Variants in ATRX observed in about 807,000 individuals in gnomAD.
The protein encoded by ATRX is ATRX chromatin remodeler.
A neutral mutation model predicts 172.6 loss-of-function variants in ATRX; 12 were observed. The observed-to-expected ratio is 0.07, with a 90% CI of 0.04 to 0.11. ATRX has a LOEUF of 0.11. Among genes scored for constraint, ATRX ranks in the 10% least tolerant of loss-of-function variants. ATRX has a pLI of 1.00. For missense variants in ATRX, 1,368 were observed against 1,767.4 expected, an observed-to-expected ratio of 0.77 and a Z score of 4.05; for synonymous variants, 674 against 594.7, an observed-to-expected ratio of 1.13 and a Z score of -1.94.
intron 10 of ATRX, among the ~76,000 whole-genome samples, chrX:77,669,242 C>G (rs2070421564): frequency 9.0e-6 from 1 of 111,660 alleles, no homozygotes; most frequent in Admixed American, 9.5e-5. Context: ...TTTTACTGTG[C>G]CAGCACTATA....
chrX:77,630,270 T>A (rs1053043278), intron 19 of ATRX, among the ~76,000 whole-genome samples: 17 of 112,121 alleles, frequency 1.5e-4, no homozygotes, highest in African/African-American at 5.2e-4. Flanking sequence ...AGAAATTAGA[T>A]GTTCATGGAG....
chrX:77,521,039 G>T, intron 33 of ATRX, 123 bp from the exon 34 acceptor site: 1 of 749,776 alleles, frequency 1.3e-6, no homozygotes, highest in Non-Finnish European at 1.9e-6. Flanking sequence ...ATTCTTTTCT[G>T]AAGAAAAACA....
chrX:77,758,836 A>T (rs1272337573), intron 1 of ATRX, among the ~76,000 whole-genome samples: 1 of 111,950 alleles, frequency 8.9e-6, no homozygotes, highest in African/African-American at 3.2e-5. Flanking sequence ...TTCCATTAAG[A>T]TACTGTGAAT....
chrX:77,772,664 G>GTAGAGAC (rs1454788585), intron 1 of ATRX, among the ~76,000 whole-genome samples: 1 of 105,758 alleles, frequency 9.5e-6, no homozygotes, highest in African/African-American at 3.5e-5. Flanking sequence ...TGTATTTTTA[G>GTAGAGAC]TAGAGACAGG....
chrX:77,521,079 C>T, intron 33 of ATRX, 163 bp from the exon 34 acceptor site: 1 of 498,118 alleles, frequency 2.0e-6, no homozygotes, highest in South Asian at 3.3e-5. Flanking sequence ...AAGTTGTTCA[C>T]TGCTGTACCT....
At chrX:77,664,551 A>G (rs1557124991) in intron 11 of ATRX, 94 bp downstream of exon 11, 2 of 1,129,496 alleles carry the variant, frequency 1.8e-6, no homozygotes, top group East Asian at 3.1e-5. Flanking sequence ...ACGCCGGGCC[A>G]TATTAAGATA....
At chrX:77,545,244 C>T (rs782277320) in intron 30 of ATRX, among the ~76,000 whole-genome samples, 1 of 111,881 alleles carries the variant, frequency 8.9e-6, no homozygotes, top group Non-Finnish European at 1.9e-5. Context: ...ATATTATGGA[C>T]GAAACTACTC....
chrX:77,632,388 C>T (rs2068152121), intron 19 of ATRX, among the ~76,000 whole-genome samples: 1 of 111,222 alleles, frequency 9.0e-6, no homozygotes, highest in African/African-American at 3.3e-5. Flanking sequence ...ATAAACCAGC[C>T]ACAAGATTTA....
chrX:77,645,883 C>T (rs868986854), intron 15 of ATRX, among the ~76,000 whole-genome samples: 1 of 111,803 alleles, frequency 8.9e-6, no homozygotes, highest in Non-Finnish European at 1.9e-5. Context: ...GTTAAGTTCA[C>T]ATCAATTCAA....
chrX:77,785,796 C>T, intron 1 of ATRX, 186 bp downstream of exon 1: 23 of 361,266 alleles, frequency 6.4e-5, no homozygotes, highest in Non-Finnish European at 6.7e-5. Flanking sequence ...CCCATCCCCA[C>T]CCCCACCCCC....
intron 12 of ATRX, among the ~76,000 whole-genome samples, chrX:77,661,361 A>G (rs2069884845): frequency 9.0e-6 from 1 of 111,438 alleles, no homozygotes; most frequent in Non-Finnish European, 1.9e-5. Context: ...CAAAAAATTT[A>G]AAAATAAGGC....
At chrX:77,732,743 CA>C (rs1262315406) in intron 1 of ATRX, among the ~76,000 whole-genome samples, 3 of 111,328 alleles carry the variant, frequency 2.7e-5, no homozygotes, top group Non-Finnish European at 5.7e-5. Flanking sequence ...TAAAAACCCT[CA>C]AAAAAATGGG....
intron 2 of ATRX, among the ~76,000 whole-genome samples, chrX:77,714,612 A>T (rs1261561165): frequency 7.2e-5 from 8 of 111,794 alleles, no homozygotes; most frequent in Admixed American, 6.7e-4. Flanking sequence ...GTGCCATGTA[A>T]CAGGATGCAT....
At chrX:77,780,650 C>A (rs781869945) in intron 1 of ATRX, among the ~76,000 whole-genome samples, 56 of 106,866 alleles carry the variant, frequency 5.2e-4, no homozygotes, top group South Asian at 3.8e-3. Flanking sequence ...TTTTTAAAAA[C>A]TAACTTTAGG....
At chrX:77,745,651 G>A (rs1401172282) in intron 1 of ATRX, among the ~76,000 whole-genome samples, 2 of 111,261 alleles carry the variant, frequency 1.8e-5, no homozygotes, top group Non-Finnish European at 3.8e-5. Flanking sequence ...TGGCTAATAT[G>A]TATAAAAATA....
chrX:77,706,300 A>G (rs1490752054), intron 2 of ATRX, among the ~76,000 whole-genome samples: 2 of 110,471 alleles, frequency 1.8e-5, no homozygotes, highest in African/African-American at 3.3e-5. Context: ...CTGATTTCTG[A>G]CAAGGGTGGC....
At chrX:77,533,427 A>G (rs2063647387) in intron 30 of ATRX, among the ~76,000 whole-genome samples, 1 of 112,483 alleles carries the variant, frequency 8.9e-6, no homozygotes, top group Non-Finnish European at 1.9e-5. Context: ...CATATACCAG[A>G]TGGTACATAT....
In ATRX at chrX:77,682,765, T is replaced by C. The variant is rs2071301654; in HGVS notation, c.2491A>G (p.Ile831Val). The C allele has an allele frequency of 1.7e-6, 2 of 1,208,655 alleles. No individual in the cohort carries two copies. The highest frequency in any genetic ancestry group is 3.5e-5 in the African/African-American group (2 of 57,017). The change falls in exon 9 of 35, where the codon ATT (isoleucine) becomes GTT (valine). Residue 831 changes from isoleucine (I) to valine (V), a missense_variant. Ile to Val is a conservative substitution (Grantham distance 29, BLOSUM62 3). Transcript: ENST00000373344. ...TTTTTGGTGGTTCTGGCAGCACCAA[T>C]TTTACTCATGCTCTTTATCTCTTTT... ...LEKEIKSMSK[I>V]GAARTTKKRI... is the part of the protein sequence containing the mutation.
At position 77,683,979 on chromosome X, in the gene ATRX, T is replaced by C; in HGVS notation, c.1277A>G (p.Glu426Gly). 6.6e-6 allele frequency: 8 copies of C among 1,210,714 alleles called. No individual in the cohort carries two copies. Among genetic ancestry groups the C allele is most frequent in the Non-Finnish European group, 8.9e-6 (8 of 894,524 alleles). Residue 426 changes from glutamate (E) to glycine (G), a missense_variant, in exon 9 of 35, where the codon GAG becomes GGG. Coordinates refer to ENST00000373344, the MANE Select transcript of ATRX (RefSeq NM_000489.6). ...EFRAMDAVNKEKNTKEHKVID... is the reference protein window; with the variant it reads ...EFRAMDAVNKGKNTKEHKVID... ...GACTTTATGCTCTTTGGTATTTTTC[T>C]CTTTGTTTACAGCATCCATCGCTCG... is the stretch of plus-strand genomic sequence containing the variant.
Sources: gnomAD v4.1 joint callset for allele counts (sites outside exome capture counted in the v4.1 genomes callset) on GRCh38, gnomAD v4.1.1 for gene constraint, MANE v1.5 for transcripts, NCBI Gene and HGNC (gene_info 2026-07-23, HGNC 2026-07-21) for gene names.